The following MCC variants were observed in gnomAD, a reference collection of about 807,000 sequenced individuals.
The protein encoded by MCC is colorectal mutant cancer protein.
In MCC, 90 loss-of-function variants were observed where a neutral mutation model predicts 116.2. That is an observed-to-expected ratio of 0.77 (90% CI 0.65 to 0.92). The LOEUF (loss-of-function observed/expected upper bound fraction) is 0.92. Among genes scored for constraint, MCC ranks in the 40% least tolerant of loss-of-function variants. The probability of loss-of-function intolerance (pLI) is 0.00; values close to 1 mark genes in which losing one functional copy is unlikely to be tolerated. For missense variants in MCC, 1,516 were observed against 1,312.2 expected, an observed-to-expected ratio of 1.16 and a Z score of -2.40; for synonymous variants, 578 against 510.5, an observed-to-expected ratio of 1.13 and a Z score of -1.78.
chr5:113,235,927 T>C (rs547482334), intron 3 of MCC, among the ~76,000 whole-genome samples: 49 of 152,308 alleles, frequency 3.2e-4, no homozygotes, highest in Non-Finnish European at 4.7e-4. Context: ...CCGTTAAAAT[T>C]CGGTCAGAGT....
intron 8 of MCC, among the ~76,000 whole-genome samples, chr5:113,092,349 G>C (rs76625532): frequency 0.089 from 13,614 of 152,174 alleles, 771 homozygotes; most frequent in African/African-American, 0.15. Flanking sequence ...GCTCCCTCTA[G>C]ATGCTGGAAG....
intron 3 of MCC, among the ~76,000 whole-genome samples, chr5:113,265,676 G>A (rs1457450507): frequency 6.6e-6 from 1 of 152,134 alleles, no homozygotes; most frequent in Non-Finnish European, 1.5e-5. Flanking sequence ...AGAGGAACTT[G>A]AGCATATCTC....
At chr5:113,219,392 G>C (rs998675214) in intron 3 of MCC, among the ~76,000 whole-genome samples, 1 of 152,204 alleles carries the variant, frequency 6.6e-6, no homozygotes, top group African/African-American at 2.4e-5. Flanking sequence ...GTAGCATTAA[G>C]AATCAGCAAT....
intron 3 of MCC, chr5:113,294,920 T>C: frequency 2.0e-6 from 2 of 985,338 alleles, no homozygotes; most frequent in Non-Finnish European, 2.4e-6. Context: ...AGTTTCCCCT[T>C]CGAATCGTCT....
At chr5:113,039,412 C>A (rs1751533927) in intron 17 of MCC, among the ~76,000 whole-genome samples, 1 of 152,146 alleles carries the variant, frequency 6.6e-6, no homozygotes, top group Non-Finnish European at 1.5e-5. Context: ...CTTCACAGCT[C>A]TGTGTGTTTA....
chr5:113,267,674 C>T (rs552404397), intron 3 of MCC, among the ~76,000 whole-genome samples: 1 of 152,280 alleles, frequency 6.6e-6, no homozygotes, highest in African/African-American at 2.4e-5. Context: ...GTACAATTTC[C>T]AGAACAGGCA....
chr5:113,304,445 G>A (rs1766934090), intron 3 of MCC, among the ~76,000 whole-genome samples: 1 of 152,148 alleles, frequency 6.6e-6, no homozygotes, highest in Non-Finnish European at 1.5e-5. Context: ...TACATTTACA[G>A]ACTGCTTCAC....
At chr5:113,096,324 T>C (rs1009910061) in intron 8 of MCC, among the ~76,000 whole-genome samples, 7 of 152,164 alleles carry the variant, frequency 4.6e-5, no homozygotes, top group African/African-American at 1.4e-4. Context: ...ACCACAATCA[T>C]AATGTGGGGG....
At chr5:113,411,647 A>G (rs1349584619) in intron 1 of MCC, among the ~76,000 whole-genome samples, 1 of 152,162 alleles carries the variant, frequency 6.6e-6, no homozygotes, top group Non-Finnish European at 1.5e-5. Context: ...CTTTAATTAA[A>G]AGATTCATAA....
At chr5:113,119,560 G>T in intron 6 of MCC, among the ~76,000 whole-genome samples, 1 of 152,332 alleles carries the variant, frequency 6.6e-6, no homozygotes, top group East Asian at 1.9e-4. Context: ...AGCAGGGACC[G>T]CCCTGTTGGC....
At chr5:113,467,439 G>A (rs556826203) in intron 1 of MCC, among the ~76,000 whole-genome samples, 2 of 152,238 alleles carry the variant, frequency 1.3e-5, no homozygotes, top group East Asian at 3.9e-4. Flanking sequence ...TATTAAATAG[G>A]GAATCCTTTC....
chr5:113,213,256 A>G (rs1443550708), intron 3 of MCC, among the ~76,000 whole-genome samples: 1 of 152,210 alleles, frequency 6.6e-6, no homozygotes, highest in Non-Finnish European at 1.5e-5. Context: ...TAAAGCAATC[A>G]GAGGCCTCGA....
chr5:113,301,916 A>G (rs1766871771), intron 3 of MCC, among the ~76,000 whole-genome samples: 1 of 152,240 alleles, frequency 6.6e-6, no homozygotes, highest in South Asian at 2.1e-4. Context: ...GTGCATGAAG[A>G]TGCCACAGGA....
chr5:113,429,065 A>T (rs1036375853), intron 1 of MCC, among the ~76,000 whole-genome samples: 4 of 152,194 alleles, frequency 2.6e-5, no homozygotes, highest in African/African-American at 9.7e-5. Context: ...TCACCGAAGA[A>T]ATAGGACAAA....
chr5:113,454,868 T>G (rs1314064982), intron 1 of MCC, among the ~76,000 whole-genome samples: 1 of 152,170 alleles, frequency 6.6e-6, no homozygotes, highest in East Asian at 1.9e-4. Context: ...ACTACATGCA[T>G]GCACACACAG....
chr5:113,123,427 A>G (rs1278662381), intron 5 of MCC, among the ~76,000 whole-genome samples: 2 of 152,214 alleles, frequency 1.3e-5, no homozygotes, highest in Non-Finnish European at 2.9e-5. Flanking sequence ...GAGAGGATGC[A>G]ATGAGGAGAA....
At chr5:113,174,719 A>T (rs1761241319) in intron 3 of MCC, among the ~76,000 whole-genome samples, 1 of 150,192 alleles carries the variant, frequency 6.7e-6, no homozygotes, top group Non-Finnish European at 1.5e-5. Context: ...ATACTAACTC[A>T]ACCTCCCAAG....
At chr5:113,398,162 A>T (rs1769582284) in intron 1 of MCC, among the ~76,000 whole-genome samples, 1 of 152,218 alleles carries the variant, frequency 6.6e-6, no homozygotes, top group Non-Finnish European at 1.5e-5. Flanking sequence ...CAGAATGGTT[A>T]TTGTTAAAAC....
chr5:113,157,750 C>T (rs1008334081), intron 3 of MCC, among the ~76,000 whole-genome samples: 1 of 152,242 alleles, frequency 6.6e-6, no homozygotes, highest in African/African-American at 2.4e-5. Context: ...GCTCCAACAC[C>T]TGCAGTGGAC....
Sources: allele counts gnomAD v4.1 joint callset (sites outside exome capture counted in the v4.1 genomes callset), GRCh38; gene constraint gnomAD v4.1.1; transcripts MANE v1.5; gene names NCBI Gene and HGNC (gene_info 2026-07-23, HGNC 2026-07-21).